CMSS1: variants seen among roughly 807,000 people sequenced by gnomAD.
CMSS1 encodes the protein protein CMSS1.
In CMSS1, 33 loss-of-function variants were observed where a neutral mutation model predicts 43.5. The ratio of observed to expected loss-of-function variants is 0.76; its 90% CI spans 0.57 to 1.01. The LOEUF (loss-of-function observed/expected upper bound fraction) is 1.01, where lower values mean the gene tolerates loss of function less well. Among genes scored for constraint, CMSS1 ranks in the 50% least tolerant of loss-of-function variants. CMSS1 has a pLI of 0.00. For missense variants in CMSS1, 313 were observed against 326.4 expected (o/e 0.96, Z 0.32); for synonymous variants, 115 against 117.2 (o/e 0.98, Z 0.12).
chr3:99,999,754 CT>C (rs1394133122), intron 1 of CMSS1, among the ~76,000 whole-genome samples: 1 of 152,184 alleles, frequency 6.6e-6, no homozygotes. Flanking sequence ...CTCATGGTCT[CT>C]TGCTCAATGG....
intron 1 of CMSS1, among the ~76,000 whole-genome samples, chr3:100,016,090 T>C (rs1313084240): frequency 1.3e-5 from 2 of 152,220 alleles, no homozygotes; most frequent in Non-Finnish European, 2.9e-5. Flanking sequence ...TTTCAGCAAG[T>C]GTGATGATCC....
intron 1 of CMSS1, among the ~76,000 whole-genome samples, chr3:99,896,525 C>G (rs2107620609): frequency 6.6e-6 from 1 of 151,974 alleles, no homozygotes; most frequent in South Asian, 2.1e-4. Context: ...AGAAAGGTTC[C>G]CAAAAGAGAA....
chr3:99,869,019 A>C (rs568038470), intron 1 of CMSS1, among the ~76,000 whole-genome samples: 49 of 152,310 alleles, frequency 3.2e-4, no homozygotes, highest in African/African-American at 1.2e-3. Flanking sequence ...ACCAAATGAT[A>C]GAGAGGTAAA....
rs188840259 is a variant in CMSS1, at chr3:99,983,906, A to G, written c.65-163067A>G. On this transcript the variant is annotated intron_variant, in intron 1 of 9. Transcript: ENST00000421999. Reference sequence around the variant, plus strand: ...GTAACAGCACAGATTTGGTCACAAAACAGCCTAGAGGAAGGCCAAGAGAGG... The same window carrying G: ...GTAACAGCACAGATTTGGTCACAAAGCAGCCTAGAGGAAGGCCAAGAGAGG... Among the ~76,000 whole-genome samples, 706 of 152,250 alleles carry G rather than the reference A, an allele frequency of 4.6e-3. 2 individuals are homozygous for G. Among genetic ancestry groups the G allele is most frequent in the South Asian group, 7.0e-3 (34 of 4,824 alleles).
rs113995104 is a variant in CMSS1, at chr3:99,878,688, A to G, written c.64+60645A>G. ...GTTTTCTGGAAGGTGGCAGCAACGT[A>G]TCTTGTTCTAGTAAAATTAGAATAT... is the stretch of plus-strand genomic sequence containing the variant. On this transcript the variant is annotated intron_variant, in intron 1 of 9. Coordinates refer to ENST00000421999, the MANE Select transcript of CMSS1 (RefSeq NM_032359.4). Among the ~76,000 whole-genome samples, 1,027 of 152,324 alleles carry G rather than the reference A, an allele frequency of 6.7e-3. 3 individuals carry two copies. The highest frequency in any genetic ancestry group is 8.5e-3 in the African/African-American group (355 of 41,568).
chr3:99,922,602 C>G (rs191136777), intron 1 of CMSS1, among the ~76,000 whole-genome samples: 49 of 152,232 alleles, frequency 3.2e-4, no homozygotes, highest in African/African-American at 1.2e-3. Flanking sequence ...CTTAAGTTAC[C>G]TAGCTGAAGT....
At chr3:100,146,177 G>A (rs1037243348) in intron 1 of CMSS1, among the ~76,000 whole-genome samples, 4 of 152,214 alleles carry the variant, frequency 2.6e-5, no homozygotes, top group Admixed American at 1.3e-4. Context: ...TGGGAAATAA[G>A]AACCTTCTGG....
intron 1 of CMSS1, among the ~76,000 whole-genome samples, chr3:99,991,273 T>G (rs1709503088): frequency 6.6e-6 from 1 of 152,218 alleles, no homozygotes; most frequent in Non-Finnish European, 1.5e-5. Context: ...TCTACCTGTT[T>G]GTGAAGTGTG....
At chr3:100,173,061 G>A (rs1013910728) in intron 8 of CMSS1, among the ~76,000 whole-genome samples, 1 of 151,902 alleles carries the variant, frequency 6.6e-6, no homozygotes, top group Non-Finnish European at 1.5e-5. Flanking sequence ...TTAAATAACT[G>A]TCTGGAGCTA....
intron 1 of CMSS1, among the ~76,000 whole-genome samples, chr3:100,054,807 C>T (rs976516827): frequency 7.9e-5 from 12 of 152,004 alleles, no homozygotes; most frequent in African/African-American, 2.9e-4. Flanking sequence ...ACCTTGCCCC[C>T]TCTCTCTCAC....
rs191978362 is a variant in CMSS1 at position 99,921,107 on chromosome 3, T to C, written c.64+103064T>C. ...GAGGAAGGAAGTAAACATTGTTCTT[T>C]GACCCTTCAGGATAAGTTAGTCTCA... On this transcript the variant is annotated intron_variant, in intron 1 of 9. Coordinates refer to ENST00000421999, the MANE Select transcript of CMSS1 (RefSeq NM_032359.4). 3.1e-3 allele frequency among the ~76,000 whole-genome samples: 471 copies of C among 152,300 alleles called. 4 individuals are homozygous for C. Among genetic ancestry groups the C allele is most frequent in the African/African-American group, 0.011 (445 of 41,580 alleles).
intron 1 of CMSS1, among the ~76,000 whole-genome samples, chr3:100,045,556 ATCAGGGGACT>A (rs2065266118): frequency 6.6e-6 from 1 of 152,040 alleles, no homozygotes; most frequent in Non-Finnish European, 1.5e-5. Flanking sequence ...CCCCTGAAAA[ATCAGGGGACT>A]TCATTTATCT....
At chr3:99,836,841 TG>T (rs1942919636) in intron 1 of CMSS1, among the ~76,000 whole-genome samples, 2 of 152,240 alleles carry the variant, frequency 1.3e-5, no homozygotes, top group African/African-American at 4.8e-5. Flanking sequence ...TCAGCCATTG[TG>T]TCTGAACCAA....
At chr3:100,134,052 T>C (rs953410136) in intron 1 of CMSS1, among the ~76,000 whole-genome samples, 11 of 152,234 alleles carry the variant, frequency 7.2e-5, no homozygotes, top group Non-Finnish European at 1.5e-4. Context: ...AACACTTCTC[T>C]TCCTTGGGGT....
chr3:99,848,699 G>A (rs764769452), intron 1 of CMSS1: 1 of 1,614,194 alleles, frequency 6.2e-7, no homozygotes, highest in South Asian at 1.1e-5. Flanking sequence ...TCTGGAGTTA[G>A]AGAACCACAA....
intron 1 of CMSS1, 40 bp downstream of exon 1, chr3:99,818,083 G>C: frequency 6.3e-7 from 1 of 1,595,922 alleles, no homozygotes; most frequent in Non-Finnish European, 8.6e-7. Flanking sequence ...GGCCTCTCCC[G>C]GAGCCCTTCC....
chr3:100,128,435 G>A (rs2066680092), intron 1 of CMSS1, among the ~76,000 whole-genome samples: 1 of 152,206 alleles, frequency 6.6e-6, no homozygotes, highest in Admixed American at 6.5e-5. Context: ...ACATATGGTA[G>A]AGAGATTGTT....
chr3:100,070,097 G>T (rs1369397599), intron 1 of CMSS1, among the ~76,000 whole-genome samples: 1 of 152,194 alleles, frequency 6.6e-6, no homozygotes, highest in African/African-American at 2.4e-5. Context: ...TATGCAGAAA[G>T]AGGCCGTGGA....
chr3:100,011,720 A>G (rs914484463), intron 1 of CMSS1: 1 of 152,080 alleles, frequency 6.6e-6, no homozygotes, highest in Non-Finnish European at 1.5e-5. Flanking sequence ...TCCCATCTCT[A>G]CCCATAGGCT....
Sources: allele counts gnomAD v4.1 joint callset (sites outside exome capture counted in the v4.1 genomes callset), GRCh38; gene constraint gnomAD v4.1.1; transcripts MANE v1.5; gene names NCBI Gene and HGNC (gene_info 2026-07-23, HGNC 2026-07-21).